The following MAGI1 variants were observed in gnomAD, a reference collection of about 807,000 sequenced individuals.
MAGI1 encodes the protein membrane-associated guanylate kinase, WW and PDZ domain-containing protein 1.
In MAGI1, 58 loss-of-function variants were observed where a neutral mutation model predicts 139.9. The observed-to-expected ratio is 0.41, with a 90% CI of 0.34 to 0.52. MAGI1 has a LOEUF of 0.52. MAGI1 is among the 20% of genes least tolerant of loss of function. MAGI1 has a pLI of 0.12. For missense variants in MAGI1, 1,874 were observed against 1,901.6 expected, an observed-to-expected ratio of 0.99 and a Z score of 0.27; for synonymous variants, 812 against 737.9, an observed-to-expected ratio of 1.10 and a Z score of -1.63.
intron 1 of MAGI1, among the ~76,000 whole-genome samples, chr3:66,035,705 T>TACAC (rs751046919): frequency 6.6e-6 from 1 of 151,796 alleles, no homozygotes; most frequent in Non-Finnish European, 1.5e-5. Context: ...TACATACATA[T>TACAC]ACACACACAC....
At chr3:65,446,004 TG>T (rs1948653606) in intron 7 of MAGI1, among the ~76,000 whole-genome samples, 1 of 152,188 alleles carries the variant, frequency 6.6e-6, no homozygotes, top group Non-Finnish European at 1.5e-5. Flanking sequence ...TGTGTGCACG[TG>T]TGCTACTCTT....
rs1480182496 is a variant in MAGI1 at position 65,979,094 on chromosome 3, C to G, written c.313+58902G>C. Among the ~76,000 whole-genome samples, 13 of 53,054 alleles carry G rather than the reference C, an allele frequency of 2.5e-4. No homozygotes were observed. The East Asian group carries it at 9.1e-3, about 37-fold the overall frequency. The allele number at this position is 53,054 out of a possible 152,430, so 34.8% of individuals were successfully genotyped here. ...CAAAGTTTTTTTCTTTTCTTCCCCC[C>G]CCCCGCCACCCCCCACAGCTACTCA... On this transcript the variant is annotated intron_variant, in intron 1 of 22. Coordinates refer to ENST00000402939, the MANE Select transcript of MAGI1 (RefSeq NM_001033057.2).
At chr3:65,692,104 C>CT (rs201524075) in intron 1 of MAGI1, among the ~76,000 whole-genome samples, 4 of 151,802 alleles carry the variant, frequency 2.6e-5, no homozygotes, top group Non-Finnish European at 4.4e-5. Flanking sequence ...TATATAAGAC[C>CT]TTTTTTTAAA....
At chr3:65,959,443 T>C (rs1186759132) in intron 1 of MAGI1, among the ~76,000 whole-genome samples, 2 of 151,872 alleles carry the variant, frequency 1.3e-5, no homozygotes, top group East Asian at 3.9e-4. Context: ...TGAGTGATGC[T>C]CTTTTTGTTA....
intron 2 of MAGI1, among the ~76,000 whole-genome samples, chr3:65,503,759 G>C: frequency 6.6e-6 from 1 of 152,198 alleles, no homozygotes; most frequent in Admixed American, 6.5e-5. Context: ...AAGTGGCCTA[G>C]ACATGAGAGA....
At chr3:65,973,350 C>T (rs1177548974) in intron 1 of MAGI1, among the ~76,000 whole-genome samples, 1 of 151,834 alleles carries the variant, frequency 6.6e-6, no homozygotes, top group Non-Finnish European at 1.5e-5. Flanking sequence ...TCTTCAGTAC[C>T]TTTGTAAGGG....
chr3:65,876,662 C>T (rs2060129289), intron 1 of MAGI1, among the ~76,000 whole-genome samples: 1 of 151,834 alleles, frequency 6.6e-6, no homozygotes, highest in African/African-American at 2.4e-5. Flanking sequence ...GAAGAATGGG[C>T]AGCAGTGATA....
At chr3:65,998,506 A>C (rs2066575367) in intron 1 of MAGI1, among the ~76,000 whole-genome samples, 1 of 152,198 alleles carries the variant, frequency 6.6e-6, no homozygotes, top group Non-Finnish European at 1.5e-5. Context: ...TCTGCAACAA[A>C]TCAAGTATTA....
rs368131242 is a variant in MAGI1 at position 65,366,983 on chromosome 3, G to A, written c.3197-2037C>T. The stretch of plus-strand genomic sequence containing the variant: ...GAATCAGTGATATTTTATAAAGTAC[G>A]CTCACTGTGTCACTAAATAGGACAA... On this transcript the variant is annotated intron_variant, in intron 18 of 22. Transcript: ENST00000402939. 3.1e-3 allele frequency among the ~76,000 whole-genome samples: 479 copies of A among 152,216 alleles called. 2 individuals are homozygous for A. Among genetic ancestry groups the A allele is most frequent in the South Asian group, 0.018 (85 of 4,822 alleles).
At chr3:65,918,041 G>A (rs2061990584) in intron 1 of MAGI1, among the ~76,000 whole-genome samples, 1 of 152,146 alleles carries the variant, frequency 6.6e-6, no homozygotes, top group Admixed American at 6.5e-5. Flanking sequence ...GGGTACATAG[G>A]AAATCTTTGT....
At position 66,011,657 on chromosome 3, in the gene MAGI1, T is replaced by C. The variant is rs139176375; in HGVS notation, c.313+26339A>G. The stretch of plus-strand genomic sequence containing the variant: ...CCCAGGACAATACTGAAGAACCATC[T>C]CAATGTCAGAGCTTCCTGCAGGTCG... On this transcript the variant is annotated intron_variant, in intron 1 of 22. Transcript: ENST00000402939. 3.8e-3 allele frequency among the ~76,000 whole-genome samples: 584 copies of C among 152,132 alleles called. 1 individual carries two copies. Among genetic ancestry groups the C allele is most frequent in the African/African-American group, 0.012 (515 of 41,490 alleles).
At chr3:65,864,741 T>C (rs961979239) in intron 1 of MAGI1, among the ~76,000 whole-genome samples, 3 of 152,142 alleles carry the variant, frequency 2.0e-5, no homozygotes, top group Non-Finnish European at 4.4e-5. Context: ...TGGCTCTTCA[T>C]GGCCATTCGA....
chr3:65,806,895 C>T (rs2040895796), intron 1 of MAGI1, among the ~76,000 whole-genome samples: 1 of 152,096 alleles, frequency 6.6e-6, no homozygotes, highest in African/African-American at 2.4e-5. Context: ...AATAACCATC[C>T]ATCATTTGAG....
At chr3:65,992,171 T>C (rs548939138) in intron 1 of MAGI1, among the ~76,000 whole-genome samples, 160 of 152,276 alleles carry the variant, frequency 1.1e-3, no homozygotes, top group Non-Finnish European at 2.0e-3. Flanking sequence ...CAAGAAGTTG[T>C]AGGAGAATCA....
At chr3:66,021,868 A>T (rs1250369026) in intron 1 of MAGI1, among the ~76,000 whole-genome samples, 1 of 152,138 alleles carries the variant, frequency 6.6e-6, no homozygotes, top group Admixed American at 6.5e-5. Context: ...GGTAATTCTG[A>T]TATACTTTCC....
intron 1 of MAGI1, among the ~76,000 whole-genome samples, chr3:65,881,445 G>A (rs1244239661): frequency 2.0e-5 from 3 of 152,112 alleles, no homozygotes; most frequent in Non-Finnish European, 4.4e-5. Flanking sequence ...TGGGCAGGGT[G>A]GCAAGACCCC....
intron 1 of MAGI1, among the ~76,000 whole-genome samples, chr3:65,889,950 C>G (rs2060677303): frequency 6.6e-6 from 1 of 152,176 alleles, no homozygotes; most frequent in South Asian, 2.1e-4. Context: ...TTATAAAAGC[C>G]AAAGCACACA....
intron 1 of MAGI1, among the ~76,000 whole-genome samples, chr3:65,834,836 C>G (rs58833171): frequency 0.09 from 13,687 of 152,128 alleles, 995 homozygotes; most frequent in South Asian, 0.23. Context: ...ATAAAATGTC[C>G]CTCTCTGTCT....
chr3:65,666,976 T>C (rs750277946), intron 1 of MAGI1, among the ~76,000 whole-genome samples: 41 of 152,150 alleles, frequency 2.7e-4, no homozygotes, highest in Non-Finnish European at 5.0e-4. Context: ...CAGACATACC[T>C]ACAATTATCC....
Sources: allele counts gnomAD v4.1 joint callset (sites outside exome capture counted in the v4.1 genomes callset), GRCh38; gene constraint gnomAD v4.1.1; transcripts MANE v1.5; gene names NCBI Gene and HGNC (gene_info 2026-07-23, HGNC 2026-07-21).